Variants in LIPI observed in about 807,000 individuals in gnomAD.
The protein encoded by LIPI is lipase member I.
In LIPI, 59 loss-of-function variants were observed where a neutral mutation model predicts 50.6. That is an observed-to-expected ratio of 1.16 (90% CI 0.94 to 1.45). The LOEUF (loss-of-function observed/expected upper bound fraction) is 1.45. Ranked by LOEUF, LIPI falls within the 40% of genes most tolerant of loss-of-function variation. The probability of loss-of-function intolerance (pLI) is 0.00; values close to 1 mark genes in which losing one functional copy is unlikely to be tolerated. For missense variants in LIPI, 586 were observed against 536.3 expected (o/e 1.09, Z -0.92); for synonymous variants, 203 against 178.2 (o/e 1.14, Z -1.11).
rs375866316 is a variant in LIPI at position 14,189,196 on chromosome 21, T to C, written c.270A>G (p.Pro90=). The C allele has an allele frequency of 2.5e-6, 4 of 1,614,050 alleles. No individual in the cohort carries two copies. The highest frequency in any genetic ancestry group is 1.3e-5 in the African/African-American group (1 of 74,938). ...TCCTTACGAAGTTCTGAAGCCATAA[T>C]GGGATGGAGCCTACTGGTCTGTATC... ...IHGYRPVGSI[P]LWLQNFVRIL... The change falls in exon 2 of 10, where the codon CCA becomes CCG. Residue 90 remains proline (P), a synonymous_variant. Transcript: ENST00000681601.
At chr21:14,203,088 C>A (rs1356135267) in intron 1 of LIPI, among the ~76,000 whole-genome samples, 1 of 152,160 alleles carries the variant, frequency 6.6e-6, no homozygotes, top group Non-Finnish European at 1.5e-5. Context: ...AAAAAATGCT[C>A]GTCATCACTG....
intron 1 of LIPI, 137 bp downstream of exon 1, chr21:14,210,663 T>A (rs912708792): frequency 9.0e-6 from 2 of 222,186 alleles, no homozygotes; most frequent in Admixed American, 1.2e-4. Context: ...TTAATAGTAA[T>A]GTTTGTTATA....
At chr21:14,140,513 C>T (rs2017667457) in intron 9 of LIPI, among the ~76,000 whole-genome samples, 1 of 151,942 alleles carries the variant, frequency 6.6e-6, no homozygotes, top group South Asian at 2.1e-4. Context: ...TATTTGTAGG[C>T]AACCGTAATA....
intron 4 of LIPI, among the ~76,000 whole-genome samples, chr21:14,168,085 C>T (rs945190660): frequency 7.9e-5 from 12 of 151,854 alleles, no homozygotes; most frequent in South Asian, 6.2e-4. Context: ...ACTCAGGGGC[C>T]GATGCGATCA....
At chr21:14,140,812 C>G (rs375462270) in intron 9 of LIPI, among the ~76,000 whole-genome samples, 119 of 152,030 alleles carry the variant, frequency 7.8e-4, no homozygotes, top group Middle Eastern at 3.4e-3. Flanking sequence ...TGGAATATTA[C>G]TGTTTCATAA....
At chr21:14,161,090 A>G (rs2018444994) in intron 7 of LIPI, among the ~76,000 whole-genome samples, 2 of 151,340 alleles carry the variant, frequency 1.3e-5, no homozygotes. Flanking sequence ...ATGTGCAATT[A>G]GTTTCTGTCC....
intron 1 of LIPI, among the ~76,000 whole-genome samples, chr21:14,199,389 G>A (rs379183): frequency 0.14 from 21,602 of 151,244 alleles, 1,967 homozygotes; most frequent in South Asian, 0.21. Context: ...TCAAATAAAC[G>A]GAATCAGTAA....
intron 4 of LIPI, 21 bp downstream of exon 4, chr21:14,181,737 T>C (rs1382280359): frequency 7.0e-7 from 1 of 1,425,994 alleles, no homozygotes; most frequent in Non-Finnish European, 9.9e-7. Context: ...AATAATTAGG[T>C]AATAAATCCT....
At chr21:14,125,802 G>A (rs906024778) in intron 9 of LIPI, among the ~76,000 whole-genome samples, 1 of 152,030 alleles carries the variant, frequency 6.6e-6, no homozygotes, top group Non-Finnish European at 1.5e-5. Context: ...TGATCCGCCC[G>A]CCTCCGCCTC....
intron 7 of LIPI, among the ~76,000 whole-genome samples, chr21:14,153,960 A>G (rs2018188153): frequency 6.6e-6 from 1 of 152,208 alleles, no homozygotes; most frequent in African/African-American, 2.4e-5. Context: ...AATTTACATT[A>G]AAATGCTTCA....
At chr21:14,143,612 C>G (rs2017793160) in intron 9 of LIPI, 2 of 152,046 alleles carry the variant, frequency 1.3e-5, no homozygotes, top group African/African-American at 4.8e-5. Context: ...CCACAGTCAA[C>G]TAAAAAAGAG....
intron 7 of LIPI, among the ~76,000 whole-genome samples, chr21:14,156,784 G>A (rs2018288180): frequency 6.6e-6 from 1 of 151,850 alleles, no homozygotes; most frequent in Admixed American, 6.6e-5. Flanking sequence ...TAAATTGTTA[G>A]TTTATTCAAC....
chr21:14,113,872 G>A (rs867289546), intron 9 of LIPI, among the ~76,000 whole-genome samples: 4 of 152,184 alleles, frequency 2.6e-5, no homozygotes, highest in Admixed American at 6.5e-5. Flanking sequence ...AGTGCCCAGC[G>A]AAGGGGAAGC....
intron 9 of LIPI, among the ~76,000 whole-genome samples, chr21:14,113,901 A>C (rs1568827895): frequency 6.6e-6 from 1 of 152,184 alleles, no homozygotes; most frequent in East Asian, 1.9e-4. Flanking sequence ...AAACTTTCAG[A>C]TCTTGGCCGG....
intron 1 of LIPI, among the ~76,000 whole-genome samples, chr21:14,197,459 A>C (rs937030450): frequency 1.3e-5 from 2 of 152,152 alleles, no homozygotes; most frequent in Admixed American, 6.6e-5. Context: ...ACACACTACA[A>C]GAATTTCATA....
chr21:14,206,687 C>G, intron 1 of LIPI: 1 of 645,030 alleles, frequency 1.6e-6, no homozygotes, highest in Non-Finnish European at 2.7e-6. Context: ...TTGTTAACAA[C>G]AACAATATTA....
At chr21:14,131,671 A>T (rs1214089119) in intron 9 of LIPI, among the ~76,000 whole-genome samples, 1 of 152,180 alleles carries the variant, frequency 6.6e-6, no homozygotes, top group Non-Finnish European at 1.5e-5. Context: ...GAAATATGAC[A>T]CCACCAAGGG....
At chr21:14,126,613 T>A (rs528100945) in intron 9 of LIPI, among the ~76,000 whole-genome samples, 1 of 152,338 alleles carries the variant, frequency 6.6e-6, no homozygotes, top group South Asian at 2.1e-4. Flanking sequence ...GTATAGCAAC[T>A]ATTTATATAT....
chr21:14,184,716 T>C (rs2019394593), intron 3 of LIPI, among the ~76,000 whole-genome samples: 1 of 152,178 alleles, frequency 6.6e-6, no homozygotes. Flanking sequence ...GACTAATATG[T>C]GTAAACACAA....
Sources: allele counts gnomAD v4.1 joint callset (sites outside exome capture counted in the v4.1 genomes callset), GRCh38; gene constraint gnomAD v4.1.1; transcripts MANE v1.5; gene names NCBI Gene and HGNC (gene_info 2026-07-23, HGNC 2026-07-21).